Variants in DNAH11 observed in about 807,000 individuals in gnomAD.
The protein encoded by DNAH11 is dynein axonemal heavy chain 11, also known as axonemal beta dynein heavy chain 11.
DNAH11 carries 442 observed loss-of-function variants against 526.0 expected under a neutral mutation model. That is an observed-to-expected ratio of 0.84 (90% CI 0.78 to 0.91). The LOEUF (loss-of-function observed/expected upper bound fraction) is 0.91, where lower values mean the gene tolerates loss of function less well. Among genes scored for constraint, DNAH11 ranks in the 40% least tolerant of loss-of-function variants. The pLI, the probability that DNAH11 is intolerant of heterozygous loss-of-function variation, is 0.00. For synonymous variants in DNAH11, 2,461 were observed against 1,935.9 expected (o/e 1.27, Z -7.12); for missense variants, 6,989 against 5,448.7 (o/e 1.28, Z -8.90).
At chr7:21,760,705 T>C (rs1386936805) in intron 54 of DNAH11, among the ~76,000 whole-genome samples, 1 of 152,116 alleles carries the variant, frequency 6.6e-6, no homozygotes, top group Non-Finnish European at 1.5e-5. Context: ...TAACCAACCA[T>C]TTATGTTGAT....
chr7:21,561,464 T>C lies in DNAH11; in HGVS notation c.982+294T>C. The C allele has an allele frequency of 1.6e-5, 4 of 252,896 alleles. No individual in the cohort carries two copies. In the South Asian group the frequency reaches 3.4e-4, roughly 22 times the overall value. The allele number at this position is 252,896 out of a possible 1,614,324, so 15.7% of individuals were successfully genotyped here. ...TTCGGAGTTAAAAAAAAAAAATAAG[T>C]CTGGATAGAGGTTTTCCAATCAACA... is the stretch of plus-strand genomic sequence containing the variant. On this transcript the variant is annotated intron_variant, in intron 5 of 81. Coordinates refer to ENST00000409508, the MANE Select transcript of DNAH11 (RefSeq NM_001277115.2).
At chr7:21,683,064 T>G (rs1224904194) in intron 31 of DNAH11, among the ~76,000 whole-genome samples, 1 of 152,236 alleles carries the variant, frequency 6.6e-6, no homozygotes, top group Non-Finnish European at 1.5e-5. Context: ...AATTCTGATT[T>G]AAAATATGTC....
At chr7:21,787,706 C>A (rs1788253231) in intron 60 of DNAH11, 123 bp downstream of exon 60, 1 of 757,840 alleles carries the variant, frequency 1.3e-6, no homozygotes, top group South Asian at 3.1e-5. Context: ...ATATGTAGTT[C>A]TAAGACTAAG....
chr7:21,780,791 T>A (rs1787908243), intron 57 of DNAH11, among the ~76,000 whole-genome samples: 1 of 152,220 alleles, frequency 6.6e-6, no homozygotes, highest in South Asian at 2.1e-4. Context: ...GAGCTGGATG[T>A]TAATAACAAA....
At chr7:21,697,313 A>G (rs945464641) in intron 35 of DNAH11, among the ~76,000 whole-genome samples, 2 of 152,066 alleles carry the variant, frequency 1.3e-5, no homozygotes, top group Non-Finnish European at 2.9e-5. Flanking sequence ...ATTTGAAGCT[A>G]TGTTTTTCTA....
At chr7:21,572,511 G>C (rs1004679315) in intron 8 of DNAH11, among the ~76,000 whole-genome samples, 1 of 152,152 alleles carries the variant, frequency 6.6e-6, no homozygotes, top group Non-Finnish European at 1.5e-5. Context: ...CAGCATGTTA[G>C]TAGCCAGGGA....
intron 25 of DNAH11, among the ~76,000 whole-genome samples, chr7:21,633,456 C>A (rs1387102178): frequency 6.6e-6 from 1 of 152,150 alleles, no homozygotes; most frequent in East Asian, 1.9e-4. Flanking sequence ...TACTTCAGAC[C>A]TGTTAATATT....
intron 55 of DNAH11, among the ~76,000 whole-genome samples, chr7:21,767,691 G>T (rs1039777491): frequency 2.0e-5 from 3 of 152,140 alleles, no homozygotes; most frequent in South Asian, 4.1e-4. Context: ...TTCCTAATTT[G>T]TTGCGCAGGA....
In DNAH11 at chr7:21,631,075, A is replaced by G. The variant is rs547927697; in HGVS notation, c.4501-4796A>G. On this transcript the variant is annotated intron_variant, in intron 25 of 81. Transcript: ENST00000409508. The stretch of plus-strand genomic sequence containing the variant: ...TCCATGTGGCTAGGGAGGCCTCACA[A>G]TTGTAGTGGAAGGTGAAAGGCTTGT... 5.3e-5 allele frequency among the ~76,000 whole-genome samples: 8 copies of G among 152,276 alleles called. No homozygotes were observed. The East Asian group carries it at 1.5e-3, about 29-fold the overall frequency.
chr7:21,788,000 A>G (rs1788268131), intron 60 of DNAH11, among the ~76,000 whole-genome samples: 1 of 152,130 alleles, frequency 6.6e-6, no homozygotes, highest in African/African-American at 2.4e-5. Flanking sequence ...GGAAATAACC[A>G]TTTCTTTGCT....
At chr7:21,548,858 G>A (rs1782909159) in intron 2 of DNAH11, among the ~76,000 whole-genome samples, 1 of 151,976 alleles carries the variant, frequency 6.6e-6, no homozygotes, top group African/African-American at 2.4e-5. Context: ...TCTGACCTCC[G>A]CAATGTGGGA....
At chr7:21,737,996 T>C (rs1428303737) in intron 46 of DNAH11, among the ~76,000 whole-genome samples, 6 of 152,202 alleles carry the variant, frequency 3.9e-5, no homozygotes, top group African/African-American at 1.4e-4. Context: ...AAAGTACTTA[T>C]TGTGGCCATT....
intron 39 of DNAH11, 41 bp from the exon 40 acceptor site, chr7:21,707,658 G>T: frequency 6.3e-7 from 1 of 1,597,348 alleles, no homozygotes. Flanking sequence ...TTTGGCTTAT[G>T]TTAGTATTAA....
At chr7:21,697,302 G>A (rs1783898075) in intron 35 of DNAH11, among the ~76,000 whole-genome samples, 1 of 152,048 alleles carries the variant, frequency 6.6e-6, no homozygotes, top group South Asian at 2.1e-4. Flanking sequence ...AAAGAAAGGG[G>A]ATTTGAAGCT....
At chr7:21,601,264 T>A (rs1284805665) in intron 17 of DNAH11, 85 bp downstream of exon 17, 2 of 1,481,148 alleles carry the variant, frequency 1.4e-6, no homozygotes, top group African/African-American at 2.8e-5. Flanking sequence ...GTATTAATGT[T>A]GCCAGTTTCA....
intron 25 of DNAH11, 113 bp from the exon 26 acceptor site, chr7:21,635,758 A>T: frequency 1.3e-6 from 1 of 781,916 alleles, no homozygotes; most frequent in Non-Finnish European, 1.9e-6. Context: ...TCCAGATATT[A>T]CATGCTAGGT....
intron 63 of DNAH11, among the ~76,000 whole-genome samples, chr7:21,813,626 A>T (rs1389756761): frequency 2.2e-4 from 33 of 152,176 alleles, no homozygotes; most frequent in Non-Finnish European, 2.9e-5. Flanking sequence ...AACTAATTTC[A>T]CTTTGGCTCG....
rs1226066236 is a variant in DNAH11, at chr7:21,787,509, A to T, written c.9850A>T (p.Asn3284Tyr). The T allele has an allele frequency of 6.2e-7, 1 of 1,613,784 alleles. No individual in the cohort carries two copies. The highest frequency in any genetic ancestry group is 1.1e-5 in the South Asian group (1 of 91,032). Reference protein sequence around the residue: ...HYLKDPEFNPNLIRTKSFAAA... With the variant: ...HYLKDPEFNPYLIRTKSFAAA... ...TTTGAAAGACCCAGAGTTTAATCCAAACCTGATTCGAACCAAATCTTTTGC... is the reference window on the plus strand; with the variant it reads ...TTTGAAAGACCCAGAGTTTAATCCATACCTGATTCGAACCAAATCTTTTGC... Residue 3284 changes from asparagine (N) to tyrosine (Y), a missense_variant, in exon 60 of 82, where the codon AAC becomes TAC. By Grantham distance (143) the Asn-to-Tyr change is moderately radical. Coordinates refer to ENST00000409508, the MANE Select transcript of DNAH11 (RefSeq NM_001277115.2).
chr7:21,589,435 A>G, intron 12 of DNAH11, 32 bp downstream of exon 12: 1 of 1,529,378 alleles, frequency 6.5e-7, no homozygotes, highest in Non-Finnish European at 8.9e-7. Flanking sequence ...ATGATTTATA[A>G]GTGCCCTTTT....
Sources: gnomAD v4.1 joint callset for allele counts (sites outside exome capture counted in the v4.1 genomes callset) on GRCh38, gnomAD v4.1.1 for gene constraint, MANE v1.5 for transcripts, NCBI Gene and HGNC (gene_info 2026-07-23, HGNC 2026-07-21) for gene names.